The following ADAMTSL1 variants were observed in gnomAD, a reference collection of about 807,000 sequenced individuals.
The protein encoded by ADAMTSL1 is ADAMTS-like protein 1.
In ADAMTSL1, 126 loss-of-function variants were observed where a neutral mutation model predicts 201.8. The ratio of observed to expected loss-of-function variants is 0.62; its 90% CI spans 0.54 to 0.72. The LOEUF (loss-of-function observed/expected upper bound fraction) is 0.72. Ranked by LOEUF, ADAMTSL1 falls within the 30% of genes least tolerant of loss-of-function variation. ADAMTSL1 has a pLI of 0.00. For missense variants in ADAMTSL1, 2,679 were observed against 2,277.8 expected, an observed-to-expected ratio of 1.18 and a Z score of -3.59; for synonymous variants, 1,121 against 903.4, an observed-to-expected ratio of 1.24 and a Z score of -4.32.
At chr9:18,895,546 C>T (rs11793025) in intron 26 of ADAMTSL1, among the ~76,000 whole-genome samples, 88,483 of 151,550 alleles carry the variant, frequency 0.58, 26,453 homozygotes, top group African/African-American at 0.71. Context: ...TGGGTGGAGA[C>T]TGACCCTCTA....
At chr9:18,757,573 G>T (rs1318346657) in intron 16 of ADAMTSL1, among the ~76,000 whole-genome samples, 1 of 151,952 alleles carries the variant, frequency 6.6e-6, no homozygotes, top group East Asian at 1.9e-4. Context: ...TCCCATCCCT[G>T]CTTGTATACT....
intron 2 of ADAMTSL1, among the ~76,000 whole-genome samples, chr9:18,303,915 C>G (rs1346720397): frequency 6.6e-6 from 1 of 152,136 alleles, no homozygotes; most frequent in Non-Finnish European, 1.5e-5. Context: ...TTCACTTCCT[C>G]CTTTCTCTGT....
chr9:18,421,750 G>C lies in ADAMTSL1; in HGVS notation c.208-83079G>C, dbSNP rs149707547. 2.8e-3 allele frequency among the ~76,000 whole-genome samples: 425 copies of C among 152,250 alleles called. 3 individuals carry two copies. The highest frequency in any genetic ancestry group is 4.6e-3 in the Non-Finnish European group (316 of 68,016). ...TGTACAGAATGATAATAACTTGTAA[G>C]AACTTTGCAGTATGAATGAAGTATG... On this transcript the variant is annotated intron_variant, in intron 2 of 29. Transcript: ENST00000680146.
At chr9:18,272,425 T>C (rs1244648542) in intron 2 of ADAMTSL1, among the ~76,000 whole-genome samples, 1 of 152,194 alleles carries the variant, frequency 6.6e-6, no homozygotes, top group Non-Finnish European at 1.5e-5. Context: ...TGAAACTGGA[T>C]TCCTTCCTTA....
At chr9:18,449,856 G>A (rs1004503023) in intron 2 of ADAMTSL1, among the ~76,000 whole-genome samples, 1 of 152,112 alleles carries the variant, frequency 6.6e-6, no homozygotes, top group Non-Finnish European at 1.5e-5. Flanking sequence ...TGGAATGGCT[G>A]GCATTTTAAA....
At chr9:18,201,530 A>G (rs1452943614) in intron 2 of ADAMTSL1, among the ~76,000 whole-genome samples, 2 of 152,056 alleles carry the variant, frequency 1.3e-5, no homozygotes, top group African/African-American at 4.8e-5. Context: ...TCTGTGCCCC[A>G]CCTTCCCTAC....
In ADAMTSL1 at chr9:18,682,052, G is replaced by A. The variant is rs1231315241; in HGVS notation, c.1489+93G>A. ...CTTGGAATATTTTTAAGTATCCCAAGTATTCTTAGTAAGAATTCTTTATAA... is the reference window on the plus strand; with the variant it reads ...CTTGGAATATTTTTAAGTATCCCAAATATTCTTAGTAAGAATTCTTTATAA... On this transcript the variant is annotated intron_variant, in intron 12 of 28. Coordinates refer to ENST00000380548, the MANE Select transcript of ADAMTSL1 (RefSeq NM_001040272.6). 4 of 1,332,598 alleles carry A rather than the reference G, an allele frequency of 3.0e-6. No homozygotes were observed. The African/African-American group carries it at 4.4e-5, about 15-fold the overall frequency. The allele number at this position is 1,332,598 out of a possible 1,614,324, so 82.5% of individuals were successfully genotyped here.
intron 1 of ADAMTSL1, among the ~76,000 whole-genome samples, chr9:18,049,589 T>C (rs1057282506): frequency 1.3e-5 from 2 of 151,128 alleles, no homozygotes; most frequent in Non-Finnish European, 2.9e-5. Flanking sequence ...TGGAACTAAC[T>C]CTGAGGCTTC....
chr9:18,005,011 T>C (rs961962787), intron 1 of ADAMTSL1, among the ~76,000 whole-genome samples: 6 of 152,128 alleles, frequency 3.9e-5, no homozygotes, highest in Admixed American at 2.6e-4. Context: ...AGAGACAAAG[T>C]TTCTGACCTC....
intron 2 of ADAMTSL1, among the ~76,000 whole-genome samples, chr9:18,187,740 G>A (rs999557599): frequency 2.6e-5 from 4 of 151,774 alleles, no homozygotes; most frequent in Non-Finnish European, 5.9e-5. Context: ...TAAGAAGGAA[G>A]GATGGCAGAA....
chr9:18,265,519 A>G lies in ADAMTSL1; in HGVS notation c.207+101538A>G, dbSNP rs544606821. 7.9e-5 allele frequency among the ~76,000 whole-genome samples: 12 copies of G among 152,344 alleles called. No homozygotes were observed. In the South Asian group the frequency reaches 2.5e-3, roughly 32 times the overall value. On this transcript the variant is annotated intron_variant, in intron 2 of 29. Transcript: ENST00000680146. The stretch of plus-strand genomic sequence containing the variant: ...GTCTGTTTTGGTTCCTAGCACCAAT[A>G]GAGTCTCAGTAACTATTTATTGAAT...
intron 2 of ADAMTSL1, among the ~76,000 whole-genome samples, chr9:18,248,658 C>T (rs1831350862): frequency 6.6e-6 from 1 of 152,128 alleles, no homozygotes; most frequent in Non-Finnish European, 1.5e-5. Flanking sequence ...AGGATTCTTC[C>T]ACGTGCCGTT....
chr9:17,976,943 A>T (rs1006475244), intron 1 of ADAMTSL1, among the ~76,000 whole-genome samples: 1 of 152,108 alleles, frequency 6.6e-6, no homozygotes. Flanking sequence ...TTCACTGTTG[A>T]GTATGGTGTT....
intron 1 of ADAMTSL1, among the ~76,000 whole-genome samples, chr9:17,919,550 C>T (rs2131288905): frequency 6.6e-6 from 1 of 152,090 alleles, no homozygotes; most frequent in South Asian, 2.1e-4. Context: ...TCTAGATTTT[C>T]GTATCAATGG....
chr9:18,658,511 G>T (rs1470118120), intron 8 of ADAMTSL1, among the ~76,000 whole-genome samples: 1 of 152,058 alleles, frequency 6.6e-6, no homozygotes, highest in Non-Finnish European at 1.5e-5. Context: ...TTAGACTTAG[G>T]CTCAGTTATT....
chr9:18,570,637 A>G (rs1316993133), intron 3 of ADAMTSL1, among the ~76,000 whole-genome samples: 2 of 152,216 alleles, frequency 1.3e-5, no homozygotes, highest in Non-Finnish European at 1.5e-5. Flanking sequence ...AACCTGTTTT[A>G]TAAGTTTTCT....
intron 4 of ADAMTSL1, among the ~76,000 whole-genome samples, chr9:18,594,693 C>A (rs574688090): frequency 4.5e-4 from 69 of 152,184 alleles, no homozygotes; most frequent in Non-Finnish European, 9.1e-4. Context: ...TTTAATTTCT[C>A]TGATAAATTT....
At chr9:18,203,891 G>T (rs1829544262) in intron 2 of ADAMTSL1, among the ~76,000 whole-genome samples, 2 of 152,102 alleles carry the variant, frequency 1.3e-5, no homozygotes, top group Admixed American at 1.3e-4. Flanking sequence ...TGTTGAAATG[G>T]AGTTGAGAAG....
intron 23 of ADAMTSL1, among the ~76,000 whole-genome samples, chr9:18,857,077 T>C (rs1411208500): frequency 2.0e-5 from 3 of 152,166 alleles, no homozygotes; most frequent in South Asian, 4.1e-4. Flanking sequence ...ATGTTCTACT[T>C]CTTGGTTTGA....
Sources: allele counts gnomAD v4.1 joint callset (sites outside exome capture counted in the v4.1 genomes callset), GRCh38; gene constraint gnomAD v4.1.1; transcripts MANE v1.5; gene names NCBI Gene and HGNC (gene_info 2026-07-23, HGNC 2026-07-21).